MAN2B2: variants seen among roughly 807,000 people sequenced by gnomAD.
MAN2B2 encodes epididymis-specific alpha-mannosidase.
MAN2B2 carries 106 observed loss-of-function variants against 117.1 expected under a neutral mutation model. The ratio of observed to expected loss-of-function variants is 0.90; its 90% CI spans 0.77 to 1.06. The LOEUF is 1.06. Ranked by LOEUF, MAN2B2 falls within the 50% of genes least tolerant of loss-of-function variation. The probability of loss-of-function intolerance (pLI) is 0.00; values close to 1 mark genes in which losing one functional copy is unlikely to be tolerated. For missense variants in MAN2B2, 1,326 were observed against 1,381.4 expected (o/e 0.96, Z 0.64); for synonymous variants, 544 against 595.1 (o/e 0.91, Z 1.25).
chr4:6,600,904 G>A, intron 10 of MAN2B2, 148 bp downstream of exon 10: 7 of 1,025,778 alleles, frequency 6.8e-6, no homozygotes, highest in East Asian at 2.6e-5. Flanking sequence ...AAGCAAAGTG[G>A]GGTTTTTTTC....
chr4:6,607,027 A>G (rs1727577150), intron 11 of MAN2B2, among the ~76,000 whole-genome samples: 1 of 152,200 alleles, frequency 6.6e-6, no homozygotes, highest in African/African-American at 2.4e-5. Flanking sequence ...CCATCACCAC[A>G]ATCAATTTTA....
intron 17 of MAN2B2, 180 bp from the exon 18 acceptor site, chr4:6,619,747 G>A: frequency 1.6e-6 from 1 of 636,392 alleles, no homozygotes; most frequent in Non-Finnish European, 2.8e-6. Context: ...TACACGGCCA[G>A]TCCTGTCCTC....
intron 3 of MAN2B2, among the ~76,000 whole-genome samples, chr4:6,585,703 T>G (rs530577586): frequency 6.6e-6 from 1 of 152,304 alleles, no homozygotes; most frequent in African/African-American, 2.4e-5. Context: ...TCAGGACCTC[T>G]TGAAAAGTTG....
chr4:6,610,260 G>C (rs532701976), intron 13 of MAN2B2, among the ~76,000 whole-genome samples: 2 of 152,218 alleles, frequency 1.3e-5, no homozygotes, highest in East Asian at 3.9e-4. Context: ...AGGTTCAAGC[G>C]ATTCTCCTGC....
intron 10 of MAN2B2, 150 bp downstream of exon 10, chr4:6,600,906 G>T (rs1432084002): frequency 2.3e-5 from 22 of 967,992 alleles, no homozygotes; most frequent in Admixed American, 2.8e-5. Context: ...GCAAAGTGGG[G>T]TTTTTTTCCC....
intron 14 of MAN2B2, 27 bp downstream of exon 14, chr4:6,611,017 A>T: frequency 6.2e-7 from 1 of 1,613,264 alleles, no homozygotes; most frequent in Non-Finnish European, 8.5e-7. Context: ...GTCCTACAGC[A>T]GCCCCTCGCG....
rs1416538328 is a variant in MAN2B2, at chr4:6,610,919, G to A, written c.2299G>A (p.Gly767Ser). The change falls in exon 14 of 19, where the codon GGC becomes AGC. Residue 767 changes from glycine (G) to serine (S), a missense_variant. Transcript: ENST00000285599. ...GGTTCAGTCGGCCTTCATGGAGGAT[G>A]GCAAAAGCAGGCTTGTGTTGCTGTC... ...PMVQSAFMED[G>S]KSRLVLLSER... The A allele has an allele frequency of 9.9e-6, 16 of 1,614,208 alleles. No individual in the cohort carries two copies. Among genetic ancestry groups the A allele is most frequent in the African/African-American group, 1.3e-5 (1 of 75,054 alleles).
chr4:6,588,664 G>A (rs921761948), intron 4 of MAN2B2, among the ~76,000 whole-genome samples: 1 of 152,124 alleles, frequency 6.6e-6, no homozygotes, highest in Non-Finnish European at 1.5e-5. Context: ...TCAGTGAGCT[G>A]AGATCGTGAC....
intron 10 of MAN2B2, among the ~76,000 whole-genome samples, chr4:6,601,476 G>A (rs1402269265): frequency 6.6e-6 from 1 of 151,446 alleles, no homozygotes; most frequent in Non-Finnish European, 1.5e-5. Context: ...CTCCAGCCTG[G>A]GCAACAAGAG....
chr4:6,618,746 G>C (rs1265096197), intron 17 of MAN2B2: 1 of 152,280 alleles, frequency 6.6e-6, no homozygotes. Flanking sequence ...GAATTTCTGT[G>C]AATCTCTGTG....
chr4:6,598,434 C>A (rs1196872197), intron 9 of MAN2B2, 80 bp downstream of exon 9: 2 of 1,452,044 alleles, frequency 1.4e-6, no homozygotes, highest in African/African-American at 1.4e-5. Flanking sequence ...GCTCAACGAC[C>A]CCAGCTTCAG....
At chr4:6,596,903 G>T (rs537681641) in intron 7 of MAN2B2, among the ~76,000 whole-genome samples, 3 of 152,178 alleles carry the variant, frequency 2.0e-5, no homozygotes, top group Non-Finnish European at 4.4e-5. Context: ...CCCATCCAGG[G>T]TTTTCTGGGC....
rs183209944 is a variant in MAN2B2 at position 6,620,817 on chromosome 4, G to A, written c.2933-371G>A. 1.5e-5 allele frequency: 3 copies of A among 198,696 alleles called. No homozygotes were observed. In the East Asian group the frequency reaches 3.7e-4, roughly 24 times the overall value. 12.3% of individuals were successfully genotyped at this position (198,696 alleles called of 1,614,324 possible). On this transcript the variant is annotated intron_variant, in intron 18 of 18. Transcript: ENST00000285599. ...CCTTCAGGGGAGCCTGGTGAGGCAA[G>A]GGCAGACTCACCAGATGGTCTCAGA... is the stretch of plus-strand genomic sequence containing the variant.
chr4:6,586,977 G>C lies in MAN2B2; in HGVS notation c.392-19G>C. 6.2e-7 allele frequency: 1 copy of C among 1,606,596 alleles called. No individual in the cohort carries two copies. Among genetic ancestry groups the C allele is most frequent in the Non-Finnish European group, 8.5e-7 (1 of 1,175,158 alleles). On this transcript the variant is annotated intron_variant, in intron 3 of 18. Transcript: ENST00000285599. ...AGGCCCGCCCTCCAGGCACCAGCAGGGTGTTGCTGTCTTTGCAGAAGGACA... is the reference window on the plus strand; with the variant it reads ...AGGCCCGCCCTCCAGGCACCAGCAGCGTGTTGCTGTCTTTGCAGAAGGACA...
intron 2 of MAN2B2, among the ~76,000 whole-genome samples, chr4:6,577,486 C>T (rs1422915554): frequency 6.6e-6 from 1 of 152,164 alleles, no homozygotes; most frequent in African/African-American, 2.4e-5. Flanking sequence ...TCCACCAGGC[C>T]CCGCCAGAGT....
At chr4:6,586,925 T>C in intron 3 of MAN2B2, 71 bp from the exon 4 acceptor site, 1 of 1,486,220 alleles carries the variant, frequency 6.7e-7, no homozygotes. Flanking sequence ...CAGGGTCCCC[T>C]GGGGTGAGGA....
At chr4:6,601,564 A>AAGCAGGG (rs55836111) in intron 10 of MAN2B2, among the ~76,000 whole-genome samples, 42,421 of 151,110 alleles carry the variant, frequency 0.28, 7,163 homozygotes, top group East Asian at 0.48. Flanking sequence ...GGTGAGGTGG[A>AAGCAGGG]AGCAGGGAGG....
At chr4:6,610,782 T>C in intron 13 of MAN2B2, 98 bp from the exon 14 acceptor site, 1 of 969,730 alleles carries the variant, frequency 1.0e-6, no homozygotes, top group Admixed American at 1.7e-5. Flanking sequence ...GCTGCTGCTG[T>C]GCCTATGGGG....
In MAN2B2 at chr4:6,600,683, CCAT is replaced by C. The variant is rs375859320; in HGVS notation, c.1468_1470del (p.Ile490del). On this transcript the variant is annotated inframe_deletion, in exon 10 of 19. Transcript: ENST00000285599. ...AACCCGCTGGCCTGGACGGTCACCA[CCAT>C]CGTCACCCTGACTGTTGGTTTCCCT... is the stretch of plus-strand genomic sequence containing the variant. 1.1e-5 allele frequency: 18 copies of C among 1,614,076 alleles called. No homozygotes were observed. Among genetic ancestry groups the C allele is most frequent in the African/African-American group, 6.7e-5 (5 of 75,068 alleles).
Sources: gnomAD v4.1 joint callset for allele counts (sites outside exome capture counted in the v4.1 genomes callset) on GRCh38, gnomAD v4.1.1 for gene constraint, MANE v1.5 for transcripts, NCBI Gene and HGNC (gene_info 2026-07-23, HGNC 2026-07-21) for gene names.